DPP10: variants seen among roughly 807,000 people sequenced by gnomAD.
DPP10 encodes the protein dipeptidyl peptidase like 10.
Under a neutral mutation model 120.9 loss-of-function variants are expected in DPP10, and 33 were observed. The ratio of observed to expected loss-of-function variants is 0.27; its 90% CI spans 0.21 to 0.37. The LOEUF is 0.37. Ranked by LOEUF, DPP10 falls within the 10% of genes least tolerant of loss-of-function variation. The probability of loss-of-function intolerance (pLI) is 1.00; values close to 1 mark genes in which losing one functional copy is unlikely to be tolerated. For synonymous variants in DPP10, 337 were observed against 326.1 expected (o/e 1.03, Z -0.36); for missense variants, 816 against 942.8 (o/e 0.87, Z 1.76).
intron 13 of DPP10, among the ~76,000 whole-genome samples, chr2:115,775,340 A>G (rs1217279637): frequency 6.6e-6 from 1 of 152,044 alleles, no homozygotes; most frequent in African/African-American, 2.4e-5. Flanking sequence ...AAGAGCTGTC[A>G]AGGGTAATAA....
At chr2:114,913,318 G>T (rs1285099962) in intron 1 of DPP10, among the ~76,000 whole-genome samples, 1 of 152,010 alleles carries the variant, frequency 6.6e-6, no homozygotes. Context: ...TACCACCCCC[G>T]CACTGAAGCA....
At chr2:114,566,958 C>T (rs1469629019) in intron 1 of DPP10, among the ~76,000 whole-genome samples, 1 of 152,134 alleles carries the variant, frequency 6.6e-6, no homozygotes, top group East Asian at 1.9e-4. Flanking sequence ...AATTATGTGA[C>T]TGATTTCCCT....
intron 1 of DPP10, among the ~76,000 whole-genome samples, chr2:115,184,450 T>C (rs1264681657): frequency 1.3e-5 from 2 of 152,170 alleles, no homozygotes; most frequent in Non-Finnish European, 2.9e-5. Flanking sequence ...TTCTTCTCTT[T>C]ATTGGACTTT....
At chr2:114,552,825 C>T (rs930881163) in intron 1 of DPP10, among the ~76,000 whole-genome samples, 5 of 152,146 alleles carry the variant, frequency 3.3e-5, no homozygotes, top group African/African-American at 7.2e-5. Flanking sequence ...GAATTACAGG[C>T]GTGAGCCACT....
intron 10 of DPP10, among the ~76,000 whole-genome samples, chr2:115,749,720 A>C (rs1678461161): frequency 6.6e-6 from 1 of 152,238 alleles, no homozygotes; most frequent in Admixed American, 6.5e-5. Flanking sequence ...CAATATACTT[A>C]TGGGAAGACA....
chr2:115,041,071 A>G lies in DPP10; in HGVS notation c.61-268168A>G, dbSNP rs866648130. Among the ~76,000 whole-genome samples the G allele has an allele frequency of 1.1e-4, 16 of 150,652 alleles. No individual in the cohort carries two copies. In the South Asian group the frequency reaches 3.0e-3, roughly 28 times the overall value. ...GAAGCAGAGGTTGCAGTGAGCCGAG[A>G]TCAGGCCACTGCACTCCAGCCTGGG... On this transcript the variant is annotated intron_variant, in intron 1 of 25. Transcript: ENST00000410059.
chr2:115,534,046 A>C (rs2078639690), intron 5 of DPP10, among the ~76,000 whole-genome samples: 1 of 152,044 alleles, frequency 6.6e-6, no homozygotes, highest in Non-Finnish European at 1.5e-5. Context: ...GGTGAAAGTT[A>C]CTAATGTATT....
At chr2:115,224,513 G>A (rs911069792) in intron 1 of DPP10, among the ~76,000 whole-genome samples, 43 of 152,102 alleles carry the variant, frequency 2.8e-4, no homozygotes, top group Admixed American at 1.3e-3. Context: ...TGGATACCTG[G>A]AGCTGGAGGG....
chr2:114,729,493 C>A (rs903315559), intron 1 of DPP10, among the ~76,000 whole-genome samples: 1 of 152,178 alleles, frequency 6.6e-6, no homozygotes, highest in African/African-American at 2.4e-5. Flanking sequence ...AAGAGCAAGG[C>A]CCTGGCCAAA....
intron 1 of DPP10, among the ~76,000 whole-genome samples, chr2:115,198,916 C>T (rs1003861160): frequency 6.6e-6 from 1 of 152,148 alleles, no homozygotes; most frequent in Non-Finnish European, 1.5e-5. Flanking sequence ...GTTCTCCTTA[C>T]CTTTTCTTCT....
chr2:114,976,942 T>C (rs1220588069), intron 1 of DPP10, among the ~76,000 whole-genome samples: 2 of 152,192 alleles, frequency 1.3e-5, no homozygotes, highest in African/African-American at 4.8e-5. Context: ...ATCTATCATC[T>C]TCTAATTGCT....
At chr2:115,794,645 T>C (rs992035076) in intron 19 of DPP10, among the ~76,000 whole-genome samples, 1 of 152,112 alleles carries the variant, frequency 6.6e-6, no homozygotes, top group Admixed American at 6.6e-5. Flanking sequence ...TTTGCTGTGG[T>C]CTCTACGGAG....
intron 3 of DPP10, among the ~76,000 whole-genome samples, chr2:115,475,159 T>G (rs1196707678): frequency 6.6e-6 from 1 of 151,840 alleles, no homozygotes; most frequent in East Asian, 1.9e-4. Context: ...TGGCAGTACT[T>G]CTCCTCACAG....
chr2:115,397,732 C>T (rs1437535489), intron 3 of DPP10, among the ~76,000 whole-genome samples: 1 of 152,154 alleles, frequency 6.6e-6, no homozygotes, highest in African/African-American at 2.4e-5. Context: ...TCTTCCTGTG[C>T]TTTTGGCTGT....
At chr2:114,578,481 CTG>C (rs1403714482) in intron 1 of DPP10, among the ~76,000 whole-genome samples, 1 of 152,036 alleles carries the variant, frequency 6.6e-6, no homozygotes, top group Non-Finnish European at 1.5e-5. Flanking sequence ...TCTTAGGAAA[CTG>C]AGTTTCTCCA....
At chr2:114,557,544 G>T (rs182006777) in intron 1 of DPP10, among the ~76,000 whole-genome samples, 161 of 152,216 alleles carry the variant, frequency 1.1e-3, no homozygotes, top group African/African-American at 3.7e-3. Flanking sequence ...TTAACAAGTC[G>T]GCAAGCCAGC....
At chr2:114,884,617 G>A (rs1009799610) in intron 1 of DPP10, among the ~76,000 whole-genome samples, 4 of 152,078 alleles carry the variant, frequency 2.6e-5, no homozygotes, top group Non-Finnish European at 5.9e-5. Flanking sequence ...ATATGAATAT[G>A]TTCTTTAATG....
chr2:115,413,373 C>G (rs2069110613), intron 3 of DPP10, among the ~76,000 whole-genome samples: 1 of 152,084 alleles, frequency 6.6e-6, no homozygotes, highest in Admixed American at 6.6e-5. Flanking sequence ...TCAGTAAAAT[C>G]CATGAAATTA....
intron 8 of DPP10, among the ~76,000 whole-genome samples, chr2:115,732,210 C>T (rs1214160518): frequency 6.6e-6 from 1 of 151,912 alleles, no homozygotes; most frequent in African/African-American, 2.4e-5. Flanking sequence ...TTGAAATTTA[C>T]CTTTTGTAAA....
Sources: gnomAD v4.1 joint callset for allele counts (sites outside exome capture counted in the v4.1 genomes callset) on GRCh38, gnomAD v4.1.1 for gene constraint, MANE v1.5 for transcripts, NCBI Gene and HGNC (gene_info 2026-07-23, HGNC 2026-07-21) for gene names.